PRUNE2: variants seen among roughly 807,000 people sequenced by gnomAD.
PRUNE2 encodes the protein protein prune homolog 2.
In PRUNE2, 164 loss-of-function variants were observed where a neutral mutation model predicts 252.0. The ratio of observed to expected loss-of-function variants is 0.65; its 90% CI spans 0.57 to 0.74. PRUNE2 has a LOEUF of 0.74. PRUNE2 is among the 30% of genes least tolerant of loss of function. The pLI is 0.00. For synonymous variants in PRUNE2, 1,292 were observed against 1,350.2 expected (o/e 0.96, Z 0.94); for missense variants, 3,495 against 3,711.0 (o/e 0.94, Z 1.51).
At chr9:76,691,052 G>A (rs766835046) in intron 9 of PRUNE2, among the ~76,000 whole-genome samples, 8 of 152,150 alleles carry the variant, frequency 5.3e-5, no homozygotes, top group Non-Finnish European at 1.0e-4. Context: ...CATATTATCT[G>A]TTATGATTCT....
Position 76,706,450 on chromosome 9 carries a change from C to T in PRUNE2, c.5824G>A (p.Val1942Met). Residue 1942 changes from valine to methionine, a missense_variant, in exon 8 of 19, where the codon GTG becomes ATG. Val to Met is a conservative substitution (Grantham distance 21). Coordinates refer to ENST00000376718, the MANE Select transcript of PRUNE2 (RefSeq NM_015225.3). Reference protein sequence around the residue: ...KEKDSREQTFVSAAGDELTPE... With the variant: ...KEKDSREQTFMSAAGDELTPE... ...GTCAGCTCATCACCAGCAGCAGACACAAAGGTTTGCTCTCTTGAGTCCTTT... is the reference window on the plus strand; with the variant it reads ...GTCAGCTCATCACCAGCAGCAGACATAAAGGTTTGCTCTCTTGAGTCCTTT... 1 of 1,613,994 alleles carries T rather than the reference C, an allele frequency of 6.2e-7. No individual in the cohort carries two copies. The highest frequency in any genetic ancestry group is 8.5e-7 in the Non-Finnish European group (1 of 1,179,874).
chr9:76,854,787 G>A (rs929582329), intron 1 of PRUNE2, among the ~76,000 whole-genome samples: 3 of 151,868 alleles, frequency 2.0e-5, no homozygotes, highest in Admixed American at 6.6e-5. Flanking sequence ...ATAGTCAGCC[G>A]GGCGTGGTGG....
intron 4 of PRUNE2, among the ~76,000 whole-genome samples, chr9:76,831,847 A>G (rs2058691365): frequency 6.6e-6 from 1 of 152,178 alleles, no homozygotes. Flanking sequence ...TTTAGAAACC[A>G]AAATGACAAT....
intron 6 of PRUNE2, among the ~76,000 whole-genome samples, chr9:76,754,171 G>T (rs1380640508): frequency 1.3e-5 from 2 of 152,106 alleles, no homozygotes; most frequent in African/African-American, 4.8e-5. Flanking sequence ...ATAGCCCTTT[G>T]CAGTGAAAAG....
At chr9:76,777,689 T>C (rs747500012) in intron 6 of PRUNE2, among the ~76,000 whole-genome samples, 6 of 152,136 alleles carry the variant, frequency 3.9e-5, no homozygotes, top group Non-Finnish European at 8.8e-5. Context: ...CAAGTAGACA[T>C]GTTATATGTC....
chr9:76,766,062 A>G (rs2130829116), intron 6 of PRUNE2, among the ~76,000 whole-genome samples: 1 of 151,962 alleles, frequency 6.6e-6, no homozygotes, highest in Middle Eastern at 3.4e-3. Context: ...AGGCACCTGT[A>G]GTCCCAGCTA....
Position 76,652,610 on chromosome 9 carries a change from A to C in PRUNE2, c.8430T>G (p.Leu2810=). The C allele has an allele frequency of 6.2e-7, 1 of 1,613,144 alleles. No homozygotes were observed. Among genetic ancestry groups the C allele is most frequent in the African/African-American group, 1.3e-5 (1 of 74,994 alleles). The change falls in exon 11 of 19, where the codon CTT becomes CTG. Residue 2810 remains leucine (L), a synonymous_variant. Coordinates refer to ENST00000376718, the MANE Select transcript of PRUNE2 (RefSeq NM_015225.3). Reference sequence around the variant, plus strand: ...TAGATCCTTCACTTTGGTCCAGAGAAAGATTGATATTTGGGGCTGTGAGCT... The same window carrying C: ...TAGATCCTTCACTTTGGTCCAGAGACAGATTGATATTTGGGGCTGTGAGCT... ...RIKLTAPNIN[L]SLDQSEGSIL...
At chr9:76,785,917 A>G (rs1457655903) in intron 6 of PRUNE2, 1 of 152,226 alleles carries the variant, frequency 6.6e-6, no homozygotes, top group African/African-American at 2.4e-5. Context: ...TAACATAAAA[A>G]AAGTTTGACT....
chr9:76,769,499 CG>C (rs2130907087), intron 6 of PRUNE2, among the ~76,000 whole-genome samples: 2 of 152,214 alleles, frequency 1.3e-5, no homozygotes, highest in African/African-American at 4.8e-5. Flanking sequence ...CTCGGCTCGT[CG>C]TCGCAACCTC....
intron 6 of PRUNE2, chr9:76,787,445 C>T (rs2055107717): frequency 6.6e-6 from 1 of 151,942 alleles, no homozygotes; most frequent in African/African-American, 2.4e-5. Flanking sequence ...GCATGTGGGA[C>T]TTAAAACCTA....
chr9:76,699,911 A>G (rs2045732360), intron 9 of PRUNE2, among the ~76,000 whole-genome samples: 2 of 152,190 alleles, frequency 1.3e-5, no homozygotes, highest in Non-Finnish European at 2.9e-5. Flanking sequence ...GTTCTTTGTG[A>G]CTATGTAGGA....
chr9:76,806,507 T>TC (rs2056943791), intron 6 of PRUNE2, among the ~76,000 whole-genome samples: 1 of 146,512 alleles, frequency 6.8e-6, no homozygotes, highest in Non-Finnish European at 1.5e-5. Flanking sequence ...CAGGCACCAT[T>TC]CTTTTTTTTT....
At chr9:76,799,733 T>C (rs2056410118) in intron 6 of PRUNE2, among the ~76,000 whole-genome samples, 1 of 152,206 alleles carries the variant, frequency 6.6e-6, no homozygotes, top group African/African-American at 2.4e-5. Flanking sequence ...ACTGTAGATA[T>C]CTTTATAGAT....
chr9:76,699,252 A>G (rs1242419690), intron 9 of PRUNE2, among the ~76,000 whole-genome samples: 1 of 152,042 alleles, frequency 6.6e-6, no homozygotes, highest in Non-Finnish European at 1.5e-5. Flanking sequence ...AATTTTAATG[A>G]CTTAATCCTT....
intron 4 of PRUNE2, among the ~76,000 whole-genome samples, chr9:76,840,797 A>G (rs536350046): frequency 6.6e-6 from 1 of 152,312 alleles, no homozygotes; most frequent in South Asian, 2.1e-4. Flanking sequence ...CCTGGCCAAC[A>G]TGGCGAAACC....
Position 76,709,998 on chromosome 9 carries a change from T to A in PRUNE2, c.2276A>T (p.Asn759Ile), listed in dbSNP as rs373098725. The A allele has an allele frequency of 5.6e-6, 9 of 1,613,632 alleles. No individual in the cohort carries two copies. Among genetic ancestry groups the A allele is most frequent in the Non-Finnish European group, 7.6e-6 (9 of 1,179,804 alleles). Residue 759 changes from asparagine (N) to isoleucine (I), a missense_variant, in exon 8 of 19, where the codon AAC becomes ATC. By Grantham distance (149) the Asn-to-Ile change is moderately radical. Coordinates refer to ENST00000376718, the MANE Select transcript of PRUNE2 (RefSeq NM_015225.3). ...AGAAGCAAAGTCTTCTATCAGGTGG[T>A]TTGTTCCTTGGGGAGATGTATTTGG... is the stretch of plus-strand genomic sequence containing the variant. Reference protein sequence around the residue: ...PLPNTSPQGTNHLIEDFASLW... With the variant: ...PLPNTSPQGTIHLIEDFASLW...
intron 1 of PRUNE2, among the ~76,000 whole-genome samples, chr9:76,894,445 G>C (rs2062686974): frequency 6.6e-6 from 1 of 152,196 alleles, no homozygotes; most frequent in Non-Finnish European, 1.5e-5. Context: ...CCTTCTCAGG[G>C]AGCAGCCAGG....
intron 15 of PRUNE2, among the ~76,000 whole-genome samples, chr9:76,634,894 T>C (rs1839312036): frequency 6.6e-6 from 1 of 152,232 alleles, no homozygotes; most frequent in Non-Finnish European, 1.5e-5. Flanking sequence ...CAGCATACAT[T>C]GATTCCTACT....
intron 12 of PRUNE2, among the ~76,000 whole-genome samples, chr9:76,643,637 A>C (rs952629189): frequency 2.6e-5 from 4 of 152,166 alleles, no homozygotes; most frequent in Non-Finnish European, 5.9e-5. Flanking sequence ...GCATATTTCC[A>C]TTTCAGGTCA....
Sources: allele counts gnomAD v4.1 joint callset (sites outside exome capture counted in the v4.1 genomes callset), GRCh38; gene constraint gnomAD v4.1.1; transcripts MANE v1.5; gene names NCBI Gene and HGNC (gene_info 2026-07-23, HGNC 2026-07-21).